KAT6B: variants seen among roughly 807,000 people sequenced by gnomAD.
KAT6B encodes the protein histone acetyltransferase KAT6B.
A neutral mutation model predicts 187.5 loss-of-function variants in KAT6B; 10 were observed. That is an observed-to-expected ratio of 0.05 (90% CI 0.03 to 0.09). The LOEUF (loss-of-function observed/expected upper bound fraction) is 0.09, where lower values mean the gene tolerates loss of function less well. Ranked by LOEUF, KAT6B falls within the 10% of genes least tolerant of loss-of-function variation. The pLI is 1.00. For missense variants in KAT6B, 1,952 were observed against 2,558.9 expected (o/e 0.76, Z 5.12); for synonymous variants, 861 against 926.8 (o/e 0.93, Z 1.29).
intron 3 of KAT6B, among the ~76,000 whole-genome samples, chr10:74,894,221 A>G (rs1228309702): frequency 6.6e-6 from 1 of 152,098 alleles, no homozygotes; most frequent in Non-Finnish European, 1.5e-5. Context: ...AGCTGGAACT[A>G]TAGGCATGAG....
chr10:74,969,939 T>C, intron 5 of KAT6B, 81 bp from the exon 6 acceptor site: 2 of 1,088,576 alleles, frequency 1.8e-6, no homozygotes, highest in Non-Finnish European at 2.8e-6. Flanking sequence ...ATTGTATTAA[T>C]GTTAATCCAG....
At chr10:74,930,175 G>A (rs550554993) in intron 3 of KAT6B, among the ~76,000 whole-genome samples, 46 of 152,092 alleles carry the variant, frequency 3.0e-4, no homozygotes, top group African/African-American at 9.4e-4. Flanking sequence ...CACCCACTTC[G>A]GCCTCCCAGA....
chr10:75,004,270 G>A (rs929057156), intron 13 of KAT6B, among the ~76,000 whole-genome samples: 2 of 152,158 alleles, frequency 1.3e-5, no homozygotes, highest in African/African-American at 4.8e-5. Context: ...TCCAAGCCAT[G>A]AGCACAGTGC....
chr10:74,956,228 T>A (rs947948743), intron 3 of KAT6B, among the ~76,000 whole-genome samples: 1 of 152,220 alleles, frequency 6.6e-6, no homozygotes, highest in East Asian at 1.9e-4. Context: ...TTTGCCTGAT[T>A]GTTTCTTTAT....
At chr10:74,987,202 G>A (rs112465209) in intron 12 of KAT6B, among the ~76,000 whole-genome samples, 14 of 152,184 alleles carry the variant, frequency 9.2e-5, no homozygotes, top group African/African-American at 3.1e-4. Context: ...TTGGGAGGCC[G>A]AGGTGGGCAG....
chr10:75,022,201 G>A lies in KAT6B; in HGVS notation c.3342G>A (p.Thr1114=), dbSNP rs1247544062. Residue 1114 remains threonine, a synonymous_variant, in exon 16 of 18, where the codon ACG becomes ACA. Coordinates refer to ENST00000287239, the MANE Select transcript of KAT6B (RefSeq NM_012330.4). ...TTCAAAGCTCTCCCCCAAGATTGAC[G>A]AAACCACAGTCAGTTGCCATAAAGA... The part of the protein sequence containing the change: ...ENIQSSPPRL[T]KPQSVAIKRK... 4.3e-6 allele frequency: 7 copies of A among 1,613,126 alleles called. No individual in the cohort carries two copies. The highest frequency in any genetic ancestry group is 3.3e-5 in the Admixed American group (2 of 59,996).
chr10:74,985,424 A>G (rs1842747955), intron 12 of KAT6B, among the ~76,000 whole-genome samples, 183 bp downstream of exon 12: 1 of 152,214 alleles, frequency 6.6e-6, no homozygotes, highest in African/African-American at 2.4e-5. Context: ...GTGCCTAGTA[A>G]GTGTGTAAAG....
rs1282556886 is a variant in KAT6B, at chr10:74,888,570, G to A, written c.621+45092G>A. 2.0e-5 allele frequency among the ~76,000 whole-genome samples: 3 copies of A among 152,132 alleles called. No individual in the cohort carries two copies. In the East Asian group the frequency reaches 5.8e-4, roughly 29 times the overall value. On this transcript the variant is annotated intron_variant, in intron 3 of 17. Transcript: ENST00000287239. ...CCATCAGATTGGCAGAAATTAAAGA[G>A]AATAATATTCTTTGGCGGCAATGAG...
chr10:74,872,123 C>T (rs947731034), intron 3 of KAT6B, among the ~76,000 whole-genome samples: 6 of 152,182 alleles, frequency 3.9e-5, no homozygotes, highest in Admixed American at 3.9e-4. Context: ...TTGTGTCTGG[C>T]ACAGACTAGA....
intron 3 of KAT6B, among the ~76,000 whole-genome samples, chr10:74,848,775 CT>C (rs2132137991): frequency 6.6e-6 from 1 of 152,226 alleles, no homozygotes; most frequent in East Asian, 1.9e-4. Flanking sequence ...TATGATGATT[CT>C]TCCTTTGGCT....
At chr10:74,914,636 C>T (rs12265411) in intron 3 of KAT6B, among the ~76,000 whole-genome samples, 3,723 of 152,234 alleles carry the variant, frequency 0.024, 157 homozygotes, top group African/African-American at 0.085. Flanking sequence ...AATGAGCCAT[C>T]GTTTTTTGAA....
In KAT6B at chr10:75,029,889, A is replaced by T; in HGVS notation, c.5065A>T (p.Thr1689Ser). 1 of 1,614,212 alleles carries T rather than the reference A, an allele frequency of 6.2e-7. No individual in the cohort carries two copies. The highest frequency in any genetic ancestry group is 1.1e-5 in the South Asian group (1 of 91,086). The change falls in exon 18 of 18, where the codon ACT (threonine) becomes TCT (serine). Residue 1689 changes from threonine to serine, a missense_variant. Coordinates refer to ENST00000287239, the MANE Select transcript of KAT6B (RefSeq NM_012330.4). The surrounding 1 kb of genome is among the most constrained non-coding windows in gnomAD (Gnocchi z 6.2). ...NYENPSSYDS[T>S]MGGSICGNGS... ...CGAAAACCCAAGCAGCTACGATTCT[A>T]CTATGGGAGGCAGCATCTGTGGAAA...
chr10:75,021,618 A>G (rs1208430920), intron 15 of KAT6B, among the ~76,000 whole-genome samples: 1 of 152,224 alleles, frequency 6.6e-6, no homozygotes, highest in Non-Finnish European at 1.5e-5. Flanking sequence ...GCTCCTTGCC[A>G]GTGAGCATGT....
chr10:74,833,595 A>T (rs1841043600), intron 1 of KAT6B, among the ~76,000 whole-genome samples: 1 of 152,190 alleles, frequency 6.6e-6, no homozygotes, highest in Admixed American at 6.5e-5. Flanking sequence ...TTTGCTAGGG[A>T]TTATGGAAAC....
At chr10:74,830,117 G>C (rs1169468604) in intron 1 of KAT6B, among the ~76,000 whole-genome samples, 1 of 152,092 alleles carries the variant, frequency 6.6e-6, no homozygotes, top group Non-Finnish European at 1.5e-5. Flanking sequence ...ATGATGCGTG[G>C]ATGAGAGAAG....
chr10:75,019,319 G>T lies in KAT6B; in HGVS notation c.2630-1263G>T, dbSNP rs534134359. Among the ~76,000 whole-genome samples, 135 of 152,276 alleles carry T rather than the reference G, an allele frequency of 8.9e-4. 2 individuals are homozygous for T. In the South Asian group the frequency reaches 0.012, roughly 14 times the overall value. On this transcript the variant is annotated intron_variant, in intron 13 of 17. Transcript: ENST00000287239. Reference sequence around the variant, plus strand: ...GCATTCAGATTAAAGCCATCAAAATGCAAAATGCTGTGATTATACCCTTCG... The same window carrying T: ...GCATTCAGATTAAAGCCATCAAAATTCAAAATGCTGTGATTATACCCTTCG...
At chr10:74,940,278 CTTTT>C (rs988686640) in intron 3 of KAT6B, among the ~76,000 whole-genome samples, 2 of 142,136 alleles carry the variant, frequency 1.4e-5, no homozygotes, top group Admixed American at 7.1e-5. Flanking sequence ...TATTTTTCCC[CTTTT>C]TTTTTTTTTT....
At chr10:74,949,251 C>T (rs1206052845) in intron 3 of KAT6B, among the ~76,000 whole-genome samples, 1 of 152,156 alleles carries the variant, frequency 6.6e-6, no homozygotes, top group East Asian at 1.9e-4. Flanking sequence ...TTTGGTCCCT[C>T]TTCAGAAGAT....
chr10:74,894,668 A>G (rs1391189740), intron 3 of KAT6B, among the ~76,000 whole-genome samples: 1 of 152,104 alleles, frequency 6.6e-6, no homozygotes, highest in African/African-American at 2.4e-5. Context: ...ATAATGCAGT[A>G]TTTGTTTTTT....
Sources: allele counts gnomAD v4.1 joint callset (sites outside exome capture counted in the v4.1 genomes callset), GRCh38; gene constraint gnomAD v4.1.1; non-coding constraint Gnocchi (gnomAD v3.1); transcripts MANE v1.5; gene names NCBI Gene and HGNC (gene_info 2026-07-23, HGNC 2026-07-21).